The following MYO1B variants were observed in gnomAD, a reference collection of about 807,000 sequenced individuals.
The protein encoded by MYO1B is unconventional myosin-Ib.
A neutral mutation model predicts 159.7 loss-of-function variants in MYO1B; 72 were observed. The observed-to-expected ratio is 0.45, with a 90% CI of 0.37 to 0.55. The LOEUF is 0.55. Ranked by LOEUF, MYO1B falls within the 20% of genes least tolerant of loss-of-function variation. The probability of loss-of-function intolerance (pLI) is 0.00; values close to 1 mark genes in which losing one functional copy is unlikely to be tolerated. For synonymous variants in MYO1B, 468 were observed against 473.8 expected, an observed-to-expected ratio of 0.99 and a Z score of 0.16; for missense variants, 1,062 against 1,364.8, an observed-to-expected ratio of 0.78 and a Z score of 3.50.
At chr2:191,376,400 A>G (rs1275155235) in intron 13 of MYO1B, among the ~76,000 whole-genome samples, 1 of 152,228 alleles carries the variant, frequency 6.6e-6, no homozygotes, top group East Asian at 1.9e-4. Flanking sequence ...ATTTTTCTAT[A>G]GGAACAGCAT....
At chr2:191,327,406 A>T (rs1033907099) in intron 3 of MYO1B, among the ~76,000 whole-genome samples, 4 of 152,246 alleles carry the variant, frequency 2.6e-5, no homozygotes, top group African/African-American at 4.8e-5. Flanking sequence ...ACATTTATTC[A>T]GGGCTTTATA....
chr2:191,342,191 A>C (rs1574468579), intron 5 of MYO1B, among the ~76,000 whole-genome samples: 1 of 152,210 alleles, frequency 6.6e-6, no homozygotes, highest in Non-Finnish European at 1.5e-5. Context: ...GGTGGCTGCC[A>C]TCTTGCTGTA....
At chr2:191,409,255 C>G in intron 26 of MYO1B, 77 bp downstream of exon 26, 1 of 1,433,118 alleles carries the variant, frequency 7.0e-7, no homozygotes. Flanking sequence ...AAAATCAAAA[C>G]TGTTAACACA....
At chr2:191,274,629 A>G (rs962883476) in intron 1 of MYO1B, among the ~76,000 whole-genome samples, 4 of 152,176 alleles carry the variant, frequency 2.6e-5, no homozygotes, top group African/African-American at 9.7e-5. Flanking sequence ...TGCTTTTGGC[A>G]TTACATGGAG....
At chr2:191,379,664 C>T (rs1694925176) in intron 13 of MYO1B, among the ~76,000 whole-genome samples, 1 of 152,016 alleles carries the variant, frequency 6.6e-6, no homozygotes, top group African/African-American at 2.4e-5. Flanking sequence ...TGCCAGATAA[C>T]ACATTTGTTC....
intron 2 of MYO1B, among the ~76,000 whole-genome samples, chr2:191,283,673 A>G (rs1688196708): frequency 6.6e-6 from 1 of 152,188 alleles, no homozygotes; most frequent in South Asian, 2.1e-4. Context: ...ATCACACAGC[A>G]AGTAGGTGAT....
At chr2:191,408,480 A>T (rs1033728355) in intron 25 of MYO1B, among the ~76,000 whole-genome samples, 44 of 152,178 alleles carry the variant, frequency 2.9e-4, no homozygotes, top group Non-Finnish European at 1.5e-4. Context: ...GAAAGCCATG[A>T]CTTTACCCTG....
intron 30 of MYO1B, among the ~76,000 whole-genome samples, chr2:191,418,314 G>A (rs1697704798): frequency 6.7e-6 from 1 of 149,686 alleles, no homozygotes; most frequent in Admixed American, 6.7e-5. Flanking sequence ...TAGCTCTATA[G>A]AACCAGTGTT....
intron 2 of MYO1B, among the ~76,000 whole-genome samples, chr2:191,294,109 A>T (rs1450335692): frequency 6.6e-6 from 1 of 152,214 alleles, no homozygotes; most frequent in Non-Finnish European, 1.5e-5. Context: ...GGGGGAAAAC[A>T]AACACACATA....
intron 10 of MYO1B, 114 bp downstream of exon 10, chr2:191,363,989 T>C (rs1000064614): frequency 7.3e-7 from 1 of 1,363,456 alleles, no homozygotes; most frequent in Non-Finnish European, 1.0e-6. Context: ...GAAAGCTTTC[T>C]AATGAAACTG....
rs1372846832 is a variant in MYO1B at position 191,425,205 on chromosome 2, A to G, written c.*1245A>G. 6.6e-6 allele frequency: 1 copy of G among 151,974 alleles called. No homozygotes were observed. The highest frequency in any genetic ancestry group is 1.5e-5 in the Non-Finnish European group (1 of 67,964). 9.4% of individuals were successfully genotyped at this position (151,974 alleles called of 1,614,324 possible). A position where few individuals can be genotyped will look rare whatever the true frequency, so the allele number is the denominator to read the frequency against. ...TATTTTTGTATCTCAAGCTATTTTC[A>G]TATGTTGTGTGTCAATGTATCATCT... On this transcript the variant is annotated 3_prime_UTR_variant, in exon 31 of 31. Transcript: ENST00000392318.
intron 13 of MYO1B, among the ~76,000 whole-genome samples, chr2:191,375,778 G>T (rs1694670457): frequency 6.6e-6 from 1 of 151,938 alleles, no homozygotes; most frequent in African/African-American, 2.4e-5. Flanking sequence ...GACCAACATG[G>T]TGAAACCCCG....
chr2:191,365,246 C>T (rs1393230349), intron 11 of MYO1B, among the ~76,000 whole-genome samples: 1 of 152,214 alleles, frequency 6.6e-6, no homozygotes, highest in African/African-American at 2.4e-5. Flanking sequence ...AGGACTTCCA[C>T]TCAGGCCCCC....
chr2:191,290,098 T>C (rs572382353), intron 2 of MYO1B, among the ~76,000 whole-genome samples: 78 of 152,370 alleles, frequency 5.1e-4, no homozygotes, highest in African/African-American at 1.8e-3. Context: ...CTGTTGATTA[T>C]TACCCTACGT....
intron 3 of MYO1B, among the ~76,000 whole-genome samples, chr2:191,302,440 A>G (rs1298010033): frequency 6.6e-6 from 1 of 152,030 alleles, no homozygotes; most frequent in Non-Finnish European, 1.5e-5. Flanking sequence ...TGTACTTGAT[A>G]GGATACTTGT....
rs575315744 is a variant in MYO1B, at chr2:191,267,445, A to G, written c.-9-9442A>G. ...TTTTCAGCAGAAAGCTTTAGAGAAA[A>G]TGAGGTGAGGGGTTTCTCAATATAT... On this transcript the variant is annotated intron_variant, in intron 1 of 30. Transcript: ENST00000392318. Among the ~76,000 whole-genome samples, 13 of 152,320 alleles carry G rather than the reference A, an allele frequency of 8.5e-5. 1 individual carries two copies. The East Asian group carries it at 1.7e-3, about 20-fold the overall frequency.
intron 1 of MYO1B, among the ~76,000 whole-genome samples, chr2:191,253,809 G>C (rs1441531805): frequency 6.6e-6 from 1 of 152,162 alleles, no homozygotes; most frequent in Non-Finnish European, 1.5e-5. Flanking sequence ...TACTGAAATT[G>C]TGTTGCATTT....
At chr2:191,347,530 A>G (rs575738675) in intron 6 of MYO1B, among the ~76,000 whole-genome samples, 1 of 152,370 alleles carries the variant, frequency 6.6e-6, no homozygotes, top group East Asian at 1.9e-4. Flanking sequence ...TAGTCTATAG[A>G]TCACAAAAAT....
chr2:191,387,285 C>T lies in MYO1B; in HGVS notation c.1616C>T (p.Ser539Phe). 1 of 1,614,136 alleles carries T rather than the reference C, an allele frequency of 6.2e-7. No homozygotes were observed. The highest frequency in any genetic ancestry group is 8.5e-7 in the Non-Finnish European group (1 of 1,180,030). The change falls in exon 17 of 31, where the codon TCC (serine) becomes TTC (phenylalanine). Residue 539 changes from serine (S) to phenylalanine (F), a missense_variant. Ser to Phe is a radical substitution (Grantham distance 155). This residue lies in a region of MYO1B where 609 missense variants were observed against 744.4 expected (regional missense o/e 0.82). Coordinates refer to ENST00000392318, the MANE Select transcript of MYO1B (RefSeq NM_001130158.3). ...KNNDLLYRDL[S>F]QAMWKASHAL... ...AATGACCTTCTCTATCGAGACCTGTCCCAAGCCATGTGGAAGGCCAGCCAT... is the reference window on the plus strand; with the variant it reads ...AATGACCTTCTCTATCGAGACCTGTTCCAAGCCATGTGGAAGGCCAGCCAT...
Sources: allele counts gnomAD v4.1 joint callset (sites outside exome capture counted in the v4.1 genomes callset), GRCh38; gene constraint gnomAD v4.1.1; regional missense constraint gnomAD v4.1.1; transcripts MANE v1.5; gene names NCBI Gene and HGNC (gene_info 2026-07-23, HGNC 2026-07-21).